Variants in MCF2L2 observed in about 807,000 individuals in gnomAD.
MCF2L2 encodes the protein probable guanine nucleotide exchange factor MCF2L2.
A neutral mutation model predicts 150.2 loss-of-function variants in MCF2L2; 102 were observed. The ratio of observed to expected loss-of-function variants is 0.68; its 90% confidence interval spans 0.58 to 0.80. The LOEUF is 0.80. MCF2L2 is among the 30% of genes least tolerant of loss of function. MCF2L2 has a pLI of 0.00. For missense variants in MCF2L2, 1,256 were observed against 1,372.8 expected (o/e 0.91, Z 1.34); for synonymous variants, 465 against 491.3 (o/e 0.95, Z 0.71).
At position 183,308,521 on chromosome 3, in the gene MCF2L2, T is replaced by C. The variant is rs573465853; in HGVS notation, c.1113+1195A>G. Among the ~76,000 whole-genome samples the C allele has an allele frequency of 1.5e-3, 235 of 152,276 alleles. 1 individual carries two copies. Among genetic ancestry groups the C allele is most frequent in the Middle Eastern group, 0.014 (4 of 294 alleles). On this transcript the variant is annotated intron_variant, in intron 10 of 29. Coordinates refer to ENST00000328913, the MANE Select transcript of MCF2L2 (RefSeq NM_015078.4). ...ACTAGTTTATCTGTCAAATGGTCACTGGTAAGAGAAAGAGCGCTCGCTGTG... is the reference window on the plus strand; with the variant it reads ...ACTAGTTTATCTGTCAAATGGTCACCGGTAAGAGAAAGAGCGCTCGCTGTG...
At position 183,423,699 on chromosome 3, in the gene MCF2L2, C is replaced by T. The variant is rs533543644; in HGVS notation, c.76+4203G>A. Among the ~76,000 whole-genome samples the T allele has an allele frequency of 1.5e-4, 20 of 134,646 alleles. No individual in the cohort carries two copies. The Middle Eastern group carries it at 0.015, about 98-fold the overall frequency. The allele number at this position is 134,646 out of a possible 152,430, so 88.3% of individuals were successfully genotyped here. A position where few individuals can be genotyped will look rare whatever the true frequency, so the allele number is the denominator to read the frequency against. The stretch of plus-strand genomic sequence containing the variant: ...TGTCACCCAGGCTGGAGTGCAATGG[C>T]GCAATCTCAGCTCACCGCAACCTCC... On this transcript the variant is annotated intron_variant, in intron 1 of 29. Coordinates refer to ENST00000328913, the MANE Select transcript of MCF2L2 (RefSeq NM_015078.4).
chr3:183,231,307 G>A (rs1289541080), intron 15 of MCF2L2: 1 of 537,918 alleles, frequency 1.9e-6, no homozygotes. Flanking sequence ...ATAGTGTGGG[G>A]GTCAAGAAGG....
At chr3:183,279,771 C>T (rs1727368590) in intron 14 of MCF2L2, among the ~76,000 whole-genome samples, 1 of 152,258 alleles carries the variant, frequency 6.6e-6, no homozygotes, top group South Asian at 2.1e-4. Flanking sequence ...TGGCTCACGC[C>T]TGTAATCCCA....
intron 3 of MCF2L2, among the ~76,000 whole-genome samples, chr3:183,347,621 C>G: frequency 6.6e-6 from 1 of 152,048 alleles, no homozygotes; most frequent in South Asian, 2.1e-4. Flanking sequence ...ACATGCAACC[C>G]ACAGAATGGT....
At chr3:183,256,439 C>T (rs941636499) in intron 15 of MCF2L2, among the ~76,000 whole-genome samples, 1 of 152,108 alleles carries the variant, frequency 6.6e-6, no homozygotes, top group African/African-American at 2.4e-5. Context: ...AGGTGAGATA[C>T]AAGATTTGAA....
chr3:183,391,665 T>TG (rs1344471796), intron 1 of MCF2L2, among the ~76,000 whole-genome samples: 2 of 152,332 alleles, frequency 1.3e-5, no homozygotes, highest in East Asian at 3.9e-4. Flanking sequence ...TTATTGAAGC[T>TG]GGTTGATGGG....
At chr3:183,389,480 T>C (rs1714020875) in intron 2 of MCF2L2, among the ~76,000 whole-genome samples, 1 of 152,194 alleles carries the variant, frequency 6.6e-6, no homozygotes, top group Non-Finnish European at 1.5e-5. Context: ...TGTGCTCCTT[T>C]GGGAAAGATC....
rs952837190 is a variant in MCF2L2, at chr3:183,428,273, C to G, written c.-296G>C. ...TCGCCAATCTCGCCGGAACCGCGCC[C>G]CGGCTCCTCCGGCCGGGCGAGCTCC... On this transcript the variant is annotated 5_prime_UTR_variant, in exon 1 of 30. Transcript: ENST00000328913. The surrounding 1 kb of genome is among the most constrained non-coding windows in gnomAD (Gnocchi z 5.1). The G allele has an allele frequency of 5.6e-6, 2 of 356,962 alleles. No individual in the cohort carries two copies. The highest frequency in any genetic ancestry group is 4.4e-5 in the African/African-American group (2 of 45,762). 22.1% of individuals were successfully genotyped at this position (356,962 alleles called of 1,614,324 possible).
At chr3:183,426,365 T>A (rs1159107316) in intron 1 of MCF2L2, among the ~76,000 whole-genome samples, 3 of 152,196 alleles carry the variant, frequency 2.0e-5, no homozygotes, top group Non-Finnish European at 4.4e-5. Context: ...AGAGGCCCAG[T>A]AACCCACCAA....
intron 3 of MCF2L2, among the ~76,000 whole-genome samples, chr3:183,356,817 A>C (rs1156868257): frequency 6.6e-6 from 1 of 152,216 alleles, no homozygotes; most frequent in African/African-American, 2.4e-5. Flanking sequence ...CCAATCTAGA[A>C]ACAATGAAAA....
chr3:183,218,423 G>A (rs970068985), intron 21 of MCF2L2, among the ~76,000 whole-genome samples: 9 of 152,128 alleles, frequency 5.9e-5, no homozygotes, highest in African/African-American at 2.2e-4. Context: ...TGGATCACGA[G>A]GTCACGAGAT....
At chr3:183,315,154 C>G (rs191262539) in intron 7 of MCF2L2, among the ~76,000 whole-genome samples, 5 of 151,302 alleles carry the variant, frequency 3.3e-5, no homozygotes, top group Non-Finnish European at 4.4e-5. Flanking sequence ...CCAGGCTCGT[C>G]TCGAACTCCT....
intron 1 of MCF2L2, among the ~76,000 whole-genome samples, chr3:183,402,156 A>C (rs941902598): frequency 2.0e-5 from 3 of 152,266 alleles, no homozygotes. Flanking sequence ...TATTTGAAAG[A>C]ATATAGGCCG....
chr3:183,339,569 A>C (rs896849026), intron 4 of MCF2L2, among the ~76,000 whole-genome samples: 79 of 152,288 alleles, frequency 5.2e-4, no homozygotes, highest in African/African-American at 1.8e-3. Context: ...TGAATCAAAG[A>C]GTTCGTATTT....
intron 10 of MCF2L2, among the ~76,000 whole-genome samples, chr3:183,300,413 T>C (rs1728780891): frequency 6.6e-6 from 1 of 152,190 alleles, no homozygotes; most frequent in Non-Finnish European, 1.5e-5. Flanking sequence ...AGTCATTCAT[T>C]CAAATACCTG....
chr3:183,330,114 G>C (rs548768051), intron 5 of MCF2L2, among the ~76,000 whole-genome samples: 1 of 151,502 alleles, frequency 6.6e-6, no homozygotes, highest in Admixed American at 6.6e-5. Context: ...GCATGGTGGT[G>C]CGCACCTGTA....
chr3:183,313,073 C>T (rs1729451670), intron 7 of MCF2L2, among the ~76,000 whole-genome samples: 1 of 152,184 alleles, frequency 6.6e-6, no homozygotes, highest in South Asian at 2.1e-4. Context: ...AAATTAATAA[C>T]AGCCTAAAAG....
At chr3:183,297,201 C>T (rs1232225701) in intron 11 of MCF2L2, 34 bp from the exon 12 acceptor site, 2 of 1,587,890 alleles carry the variant, frequency 1.3e-6, no homozygotes, top group Non-Finnish European at 8.6e-7. Flanking sequence ...GTGCACTTCG[C>T]CTGACCACAA....
intron 2 of MCF2L2, among the ~76,000 whole-genome samples, chr3:183,384,515 A>G (rs1713718721): frequency 6.6e-6 from 1 of 152,066 alleles, no homozygotes; most frequent in Admixed American, 6.6e-5. Context: ...AGATCAATAA[A>G]TGGGTTTACC....
Sources: gnomAD v4.1 joint callset for allele counts (sites outside exome capture counted in the v4.1 genomes callset) on GRCh38, gnomAD v4.1.1 for gene constraint, Gnocchi (gnomAD v3.1) non-coding constraint, MANE v1.5 for transcripts, NCBI Gene and HGNC (gene_info 2026-07-23, HGNC 2026-07-21) for gene names.